Variants in BICD1 observed in about 807,000 individuals in gnomAD.
BICD1 encodes BICD cargo adaptor 1, also known as protein bicaudal D homolog 1.
A neutral mutation model predicts 92.5 loss-of-function variants in BICD1; 35 were observed. The observed-to-expected ratio is 0.38, with a 90% CI of 0.29 to 0.50. The LOEUF is 0.50. Among genes scored for constraint, BICD1 ranks in the 20% least tolerant of loss-of-function variants. The pLI, the probability that BICD1 is intolerant of heterozygous loss-of-function variation, is 0.93. For synonymous variants in BICD1, 429 were observed against 465.1 expected (o/e 0.92, Z 1.00); for missense variants, 950 against 1,189.8 (o/e 0.80, Z 2.97).
At chr12:32,111,869 T>G (rs896589392) in intron 1 of BICD1, among the ~76,000 whole-genome samples, 2 of 152,290 alleles carry the variant, frequency 1.3e-5, no homozygotes, top group Admixed American at 6.5e-5. Flanking sequence ...ATTATCAAAT[T>G]AATCTTAAAA....
intron 4 of BICD1, among the ~76,000 whole-genome samples, chr12:32,321,766 A>G (rs2136245889): frequency 6.6e-6 from 1 of 152,348 alleles, no homozygotes; most frequent in Non-Finnish European, 1.5e-5. Context: ...TTGGAGGCCA[A>G]GGCGGGTGGA....
At chr12:32,293,593 G>A (rs1947780395) in intron 2 of BICD1, among the ~76,000 whole-genome samples, 1 of 151,860 alleles carries the variant, frequency 6.6e-6, no homozygotes, top group African/African-American at 2.4e-5. Context: ...ACCTCCCAAA[G>A]TGCTGGGATT....
intron 1 of BICD1, among the ~76,000 whole-genome samples, chr12:32,204,739 A>G (rs1944998998): frequency 6.6e-6 from 1 of 152,194 alleles, no homozygotes; most frequent in African/African-American, 2.4e-5. Flanking sequence ...TGATTCTCAA[A>G]TGGTATGCCA....
chr12:32,196,122 T>C (rs2121535608), intron 1 of BICD1, among the ~76,000 whole-genome samples: 1 of 152,334 alleles, frequency 6.6e-6, no homozygotes, highest in Non-Finnish European at 1.5e-5. Context: ...ATAATGACTT[T>C]ATCAAAATGA....
At chr12:32,309,142 A>T (rs1277538959) in intron 4 of BICD1, among the ~76,000 whole-genome samples, 1 of 152,164 alleles carries the variant, frequency 6.6e-6, no homozygotes, top group East Asian at 1.9e-4. Flanking sequence ...TTTTTGGGTT[A>T]AATTTATGTA....
intron 1 of BICD1, among the ~76,000 whole-genome samples, chr12:32,117,901 C>A (rs1265080965): frequency 1.3e-5 from 2 of 150,302 alleles, no homozygotes; most frequent in Non-Finnish European, 3.0e-5. Context: ...CAGGCATGCA[C>A]CACCATGCCC....
intron 1 of BICD1, among the ~76,000 whole-genome samples, chr12:32,165,506 A>T (rs1592401650): frequency 6.6e-6 from 1 of 151,612 alleles, no homozygotes; most frequent in South Asian, 2.1e-4. Context: ...ACAGAGCGAG[A>T]CTCCGTCACA....
intron 8 of BICD1, among the ~76,000 whole-genome samples, chr12:32,348,737 T>C (rs1397620107): frequency 1.1e-4 from 1 of 9,226 alleles, no homozygotes; most frequent in African/African-American, 1.3e-3. Flanking sequence ...TATATATATA[T>C]ATATATATAT....
At chr12:32,154,302 C>T (rs1943374686) in intron 1 of BICD1, among the ~76,000 whole-genome samples, 1 of 152,084 alleles carries the variant, frequency 6.6e-6, no homozygotes. Context: ...AAATAAAAGG[C>T]GAGGTCTATT....
At chr12:32,133,696 T>C (rs2121316891) in intron 1 of BICD1, among the ~76,000 whole-genome samples, 1 of 152,314 alleles carries the variant, frequency 6.6e-6, no homozygotes, top group South Asian at 2.1e-4. Flanking sequence ...GTCATTTTTA[T>C]TCCTATAAAG....
intron 2 of BICD1, among the ~76,000 whole-genome samples, chr12:32,238,457 C>T (rs935084965): frequency 6.6e-6 from 1 of 152,018 alleles, no homozygotes; most frequent in Non-Finnish European, 1.5e-5. Flanking sequence ...TGAAAGTTGT[C>T]GAAATGACAC....
intron 1 of BICD1, among the ~76,000 whole-genome samples, chr12:32,111,279 C>A (rs937482464): frequency 6.6e-5 from 10 of 152,128 alleles, no homozygotes; most frequent in African/African-American, 2.4e-4. Flanking sequence ...TCTTTTGGAG[C>A]CAACTCTATT....
chr12:32,131,263 A>AT (rs961901368), intron 1 of BICD1, among the ~76,000 whole-genome samples: 3 of 152,088 alleles, frequency 2.0e-5, no homozygotes, highest in Admixed American at 6.6e-5. Flanking sequence ...TCAAAGTGTG[A>AT]TTTTTTTAAA....
At chr12:32,137,754 G>A (rs775687360) in intron 1 of BICD1, among the ~76,000 whole-genome samples, 1 of 151,948 alleles carries the variant, frequency 6.6e-6, no homozygotes, top group South Asian at 2.1e-4. Context: ...GTTTTAATTC[G>A]GATTCCCTTT....
chr12:32,251,982 TA>T (rs1408246390), intron 2 of BICD1, among the ~76,000 whole-genome samples: 1 of 72,292 alleles, frequency 1.4e-5, no homozygotes, highest in African/African-American at 4.0e-5. Context: ...TTTACCACTA[TA>T]TATATAATAT....
chr12:32,132,399 G>A (rs934069642), intron 1 of BICD1, among the ~76,000 whole-genome samples: 1 of 142,068 alleles, frequency 7.0e-6, no homozygotes, highest in African/African-American at 2.6e-5. Context: ...CTAGGCGACA[G>A]AGCGAGACTC....
chr12:32,368,499 A>G (rs1320595389), intron 9 of BICD1, among the ~76,000 whole-genome samples: 2 of 152,240 alleles, frequency 1.3e-5, no homozygotes, highest in Admixed American at 6.5e-5. Context: ...GTTTGAGACC[A>G]GCCTGGGCAA....
intron 1 of BICD1, among the ~76,000 whole-genome samples, chr12:32,163,220 A>G (rs1228257959): frequency 6.6e-6 from 1 of 152,136 alleles, no homozygotes; most frequent in East Asian, 1.9e-4. Flanking sequence ...ATTTTCATAT[A>G]ACATTTTATT....
chr12:32,119,610 G>T (rs1165242506), intron 1 of BICD1, among the ~76,000 whole-genome samples: 1 of 152,196 alleles, frequency 6.6e-6, no homozygotes, highest in Non-Finnish European at 1.5e-5. Flanking sequence ...AGTGGCTCAT[G>T]CCTGTAATGC....
Sources: gnomAD v4.1 joint callset for allele counts (sites outside exome capture counted in the v4.1 genomes callset) on GRCh38, gnomAD v4.1.1 for gene constraint, MANE v1.5 for transcripts, NCBI Gene and HGNC (gene_info 2026-07-23, HGNC 2026-07-21) for gene names.